Variants in NFYC observed in about 807,000 individuals in gnomAD.
The protein encoded by NFYC is nuclear transcription factor Y subunit gamma.
A neutral mutation model predicts 53.1 loss-of-function variants in NFYC; 25 were observed. The ratio of observed to expected loss-of-function variants is 0.47; its 90% CI spans 0.34 to 0.66. The LOEUF is 0.66. Ranked by LOEUF, NFYC falls within the 30% of genes least tolerant of loss-of-function variation. The probability of loss-of-function intolerance (pLI) is 0.01; values close to 1 mark genes in which losing one functional copy is unlikely to be tolerated. For missense variants in NFYC, 260 were observed against 422.7 expected (o/e 0.62, Z 3.38); for synonymous variants, 145 against 152.6 (o/e 0.95, Z 0.37).
At chr1:40,693,396 T>G (rs761839558) in intron 1 of NFYC, among the ~76,000 whole-genome samples, 7 of 152,232 alleles carry the variant, frequency 4.6e-5, no homozygotes, top group Non-Finnish European at 1.0e-4. Flanking sequence ...CATCTGTGTT[T>G]TCCTAATTTG....
Position 40,758,106 on chromosome 1 carries a change from C to G in NFYC, c.388-15C>G. 1 of 1,611,676 alleles carries G rather than the reference C, an allele frequency of 6.2e-7. No individual in the cohort carries two copies. The stretch of plus-strand genomic sequence containing the variant: ...GGTTCTTTTCCTCTTACCTGCCTCT[C>G]TTTCCACCCAACAGGAGGAGGTGCG... On this transcript the variant is annotated splice_polypyrimidine_tract_variant and intron_variant, in intron 5 of 9. Transcript: ENST00000447388.
chr1:40,715,086 C>CAATAAATAAATAAATA (rs59310200), intron 1 of NFYC, among the ~76,000 whole-genome samples: 18,182 of 142,354 alleles, frequency 0.13, 1,328 homozygotes, highest in African/African-American at 0.18. Context: ...TGTCTCAAAA[C>CAATAAATAAATAAATA]AATAAATAAA....
At chr1:40,767,069 C>A in intron 8 of NFYC, 1 of 1,186,450 alleles carries the variant, frequency 8.4e-7, no homozygotes. Context: ...TGTGTTCTGG[C>A]ACCTCCTGTG....
At chr1:40,696,265 C>CT (rs756392432) in intron 1 of NFYC, among the ~76,000 whole-genome samples, 6 of 151,858 alleles carry the variant, frequency 4.0e-5, no homozygotes, top group Non-Finnish European at 5.9e-5. Context: ...CCTCGTGATC[C>CT]GCCCTCTTCG....
chr1:40,748,870 A>C (rs984176244), intron 3 of NFYC, among the ~76,000 whole-genome samples: 1 of 152,218 alleles, frequency 6.6e-6, no homozygotes, highest in African/African-American at 2.4e-5. Context: ...AGACACAAAG[A>C]GGTTAAGTGA....
intron 1 of NFYC, among the ~76,000 whole-genome samples, chr1:40,738,308 C>T (rs1645164088): frequency 6.6e-6 from 1 of 152,246 alleles, no homozygotes; most frequent in Non-Finnish European, 1.5e-5. Context: ...GCTGGAACCA[C>T]AGGCATGCAC....
chr1:40,700,554 C>G (rs1570300802), intron 1 of NFYC, among the ~76,000 whole-genome samples: 1 of 152,006 alleles, frequency 6.6e-6, no homozygotes, highest in South Asian at 2.1e-4. Flanking sequence ...CTATGTTGTC[C>G]AGGCTAGTCC....
intron 1 of NFYC, among the ~76,000 whole-genome samples, chr1:40,711,518 T>C (rs1643926625): frequency 6.6e-6 from 1 of 152,172 alleles, no homozygotes; most frequent in South Asian, 2.1e-4. Context: ...CTTGAGAACT[T>C]TGTGGATTTG....
Position 40,750,922 on chromosome 1 carries a change from G to A in NFYC, c.291+1236G>A, listed in dbSNP as rs928872413. Among the ~76,000 whole-genome samples the A allele has an allele frequency of 7.9e-5, 12 of 152,324 alleles. No homozygotes were observed. The South Asian group carries it at 2.5e-3, about 32-fold the overall frequency. ...ACCACAGTTGGTGAGGAAGTGGAGT[G>A]TCTGAAACTCATATATTGCTGGTCA... On this transcript the variant is annotated intron_variant, in intron 4 of 9. Coordinates refer to ENST00000447388, the MANE Select transcript of NFYC (RefSeq NM_014223.5).
At chr1:40,732,915 C>A (rs932846494) in intron 1 of NFYC, among the ~76,000 whole-genome samples, 2 of 151,286 alleles carry the variant, frequency 1.3e-5, no homozygotes, top group African/African-American at 4.9e-5. Flanking sequence ...TCCTGGAGCT[C>A]ATTTAGTCTA....
intron 1 of NFYC, among the ~76,000 whole-genome samples, chr1:40,715,821 A>G (rs1413143689): frequency 6.6e-6 from 1 of 152,238 alleles, no homozygotes; most frequent in Non-Finnish European, 1.5e-5. Context: ...AGAAAAAAAA[A>G]CATAGTAAAT....
At chr1:40,717,252 G>A (rs1251895214) in intron 1 of NFYC, among the ~76,000 whole-genome samples, 1 of 152,190 alleles carries the variant, frequency 6.6e-6, no homozygotes, top group Non-Finnish European at 1.5e-5. Context: ...CCAGAAATGA[G>A]CATGGTAGAG....
chr1:40,749,509 C>A, intron 3 of NFYC, 64 bp from the exon 4 acceptor site: 1 of 1,310,476 alleles, frequency 7.6e-7, no homozygotes, highest in Non-Finnish European at 1.1e-6. Flanking sequence ...GGCAATGAGG[C>A]AAGAGACAGA....
intron 1 of NFYC, among the ~76,000 whole-genome samples, chr1:40,700,129 T>A (rs748887492): frequency 2.0e-5 from 3 of 152,196 alleles, no homozygotes; most frequent in Non-Finnish European, 4.4e-5. Flanking sequence ...AAAGGACTTT[T>A]CTGAGAACAA....
intron 1 of NFYC, chr1:40,735,632 A>G (rs1644989160): frequency 2.0e-6 from 2 of 985,348 alleles, no homozygotes; most frequent in Admixed American, 6.1e-5. Flanking sequence ...CTACCCATCC[A>G]TTAGCAAGTG....
chr1:40,731,973 T>C (rs1216038993), intron 1 of NFYC, among the ~76,000 whole-genome samples: 3 of 152,230 alleles, frequency 2.0e-5, no homozygotes, highest in African/African-American at 4.8e-5. Context: ...GTTATATGTT[T>C]GGCTTAAGTT....
At chr1:40,697,969 A>G (rs1328812946) in intron 1 of NFYC, among the ~76,000 whole-genome samples, 4 of 152,210 alleles carry the variant, frequency 2.6e-5, no homozygotes, top group Non-Finnish European at 5.9e-5. Context: ...ACTTCATGAG[A>G]GCTTTCTATT....
chr1:40,705,625 G>A (rs1193920622), intron 1 of NFYC, among the ~76,000 whole-genome samples: 1 of 152,090 alleles, frequency 6.6e-6, no homozygotes, highest in Non-Finnish European at 1.5e-5. Context: ...TGGTTAAATG[G>A]TCCTAATAAT....
chr1:40,726,491 C>A lies in NFYC; in HGVS notation c.-8-12345C>A, dbSNP rs146290659. Reference sequence around the variant, plus strand: ...GTGTCATGATCTTGGCTGATTGCAACCTCTGCCTTCCAGGTTCAAGCCATC... The same window carrying A: ...GTGTCATGATCTTGGCTGATTGCAAACTCTGCCTTCCAGGTTCAAGCCATC... On this transcript the variant is annotated intron_variant, in intron 1 of 9. Coordinates refer to ENST00000447388, the MANE Select transcript of NFYC (RefSeq NM_014223.5). Among the ~76,000 whole-genome samples the A allele has an allele frequency of 2.7e-3, 414 of 151,580 alleles. 1 individual carries two copies. The highest frequency in any genetic ancestry group is 9.5e-3 in the African/African-American group (394 of 41,298).
Sources: gnomAD v4.1 joint callset for allele counts (sites outside exome capture counted in the v4.1 genomes callset) on GRCh38, gnomAD v4.1.1 for gene constraint, MANE v1.5 for transcripts, NCBI Gene and HGNC (gene_info 2026-07-23, HGNC 2026-07-21) for gene names.